The following SCML4 variants were observed in gnomAD, a reference collection of about 807,000 sequenced individuals.
The protein encoded by SCML4 is sex comb on midleg-like protein 4.
A neutral mutation model predicts 41.1 loss-of-function variants in SCML4; 34 were observed. The observed-to-expected ratio is 0.83, with a 90% CI of 0.63 to 1.10. SCML4 has a LOEUF of 1.10. SCML4 is among the 50% of genes least tolerant of loss of function. The pLI, the probability that SCML4 is intolerant of heterozygous loss-of-function variation, is 0.00. For synonymous variants in SCML4, 214 were observed against 220.9 expected (o/e 0.97, Z 0.28); for missense variants, 522 against 534.1 (o/e 0.98, Z 0.22).
chr6:107,834,460 C>T, the SCML4 span, among the ~76,000 whole-genome samples: 1 of 152,296 alleles, frequency 6.6e-6, no homozygotes, highest in South Asian at 2.1e-4. Flanking sequence ...CCAGATGAGA[C>T]CTCGGAAAAC....
chr6:107,839,762 T>C, the SCML4 span, among the ~76,000 whole-genome samples: 1 of 152,154 alleles, frequency 6.6e-6, no homozygotes, highest in African/African-American at 2.4e-5. Context: ...ACTTCAAAAA[T>C]ATTCTTCTTT....
At chr6:107,724,258 C>T (rs192323961) in intron 5 of SCML4, among the ~76,000 whole-genome samples, 56 of 152,252 alleles carry the variant, frequency 3.7e-4, no homozygotes, top group South Asian at 6.2e-4. Context: ...CAAAAAGAGA[C>T]GGTCCATTCC....
chr6:107,766,417 G>C (rs1043001738), intron 2 of SCML4, among the ~76,000 whole-genome samples: 1 of 149,806 alleles, frequency 6.7e-6, no homozygotes, highest in South Asian at 2.1e-4. Flanking sequence ...CTATGATCTC[G>C]CTCCTGAATA....
chr6:107,831,770 T>C, the SCML4 span, among the ~76,000 whole-genome samples: 6 of 152,094 alleles, frequency 3.9e-5, no homozygotes, highest in East Asian at 1.2e-3. Context: ...ATAGAAAAAT[T>C]AGTCCAGGCG....
chr6:107,723,242 A>G (rs1775612415), intron 5 of SCML4, among the ~76,000 whole-genome samples: 1 of 152,214 alleles, frequency 6.6e-6, no homozygotes, highest in South Asian at 2.1e-4. Context: ...TTGAAAATGC[A>G]TTTAGCATAC....
chr6:107,745,993 A>AAAATAAATAAATAAATAAAT (rs36131534), intron 4 of SCML4: 28 of 148,820 alleles, frequency 1.9e-4, no homozygotes, highest in African/African-American at 6.5e-4. Context: ...ATCCTGTCTC[A>AAAATAAATAAATAAATAAAT]AAATAAATAA....
At chr6:107,775,821 G>A (rs1780896980) in intron 1 of SCML4, among the ~76,000 whole-genome samples, 1 of 152,138 alleles carries the variant, frequency 6.6e-6, no homozygotes, top group Admixed American at 6.5e-5. Flanking sequence ...GTATGGTATA[G>A]GAGTAGCAAT....
At chr6:107,833,489 C>T in the SCML4 span, among the ~76,000 whole-genome samples, 1 of 152,108 alleles carries the variant, frequency 6.6e-6, no homozygotes, top group Non-Finnish European at 1.5e-5. Context: ...GCTCAGGAGA[C>T]ACCTGAAGAG....
At chr6:107,732,800 C>G (rs1163315400) in intron 5 of SCML4, among the ~76,000 whole-genome samples, 5 of 152,156 alleles carry the variant, frequency 3.3e-5, no homozygotes, top group African/African-American at 9.7e-5. Context: ...GTTTCCTCCA[C>G]AGCCCCCACA....
chr6:107,737,865 A>C (rs1277118003), intron 5 of SCML4, among the ~76,000 whole-genome samples: 1 of 151,926 alleles, frequency 6.6e-6, no homozygotes, highest in African/African-American at 2.4e-5. Context: ...CATGTAACAA[A>C]ATTACATTTG....
At chr6:107,828,128 T>C (rs763040429), upstream of SCML4, among the ~76,000 whole-genome samples, 15 of 152,228 alleles carry the variant, frequency 9.9e-5, no homozygotes, top group Non-Finnish European at 2.1e-4. Context: ...GACTTAGGGA[T>C]GTTAAATAAC....
intron 5 of SCML4, among the ~76,000 whole-genome samples, chr6:107,728,390 C>T (rs1284923670): frequency 6.6e-6 from 1 of 152,146 alleles, no homozygotes; most frequent in East Asian, 1.9e-4. Context: ...GTGGGCGGAT[C>T]ACCTGAGGTT....
At chr6:107,825,256 A>G (rs1785207359), upstream of SCML4, among the ~76,000 whole-genome samples, 2 of 152,236 alleles carry the variant, frequency 1.3e-5, no homozygotes, top group Non-Finnish European at 2.9e-5. Flanking sequence ...CATTCTACAA[A>G]CATGTGGCTT....
At chr6:107,837,342 G>C in the SCML4 span, among the ~76,000 whole-genome samples, 1 of 152,162 alleles carries the variant, frequency 6.6e-6, no homozygotes, top group African/African-American at 2.4e-5. Flanking sequence ...TGCATGTCTT[G>C]GTGTGTTTGG....
At chr6:107,775,546 T>C (rs1193238209) in intron 1 of SCML4, among the ~76,000 whole-genome samples, 1 of 152,228 alleles carries the variant, frequency 6.6e-6, no homozygotes, top group Non-Finnish European at 1.5e-5. Flanking sequence ...CAGTTCTTCA[T>C]ATAGATTTCA....
intron 1 of SCML4, among the ~76,000 whole-genome samples, chr6:107,779,475 C>T (rs1443078997): frequency 6.6e-6 from 1 of 152,062 alleles, no homozygotes; most frequent in East Asian, 1.9e-4. Flanking sequence ...AAGGGGTAAG[C>T]CAGCCCAACT....
At chr6:107,763,173 T>C (rs1436240316) in intron 2 of SCML4, among the ~76,000 whole-genome samples, 1 of 151,998 alleles carries the variant, frequency 6.6e-6, no homozygotes, top group African/African-American at 2.4e-5. Flanking sequence ...TGAGCCACAA[T>C]GCCCAGCCTA....
At chr6:107,717,172 A>AAACAAAAT (rs1321916871) in intron 6 of SCML4, among the ~76,000 whole-genome samples, 3 of 112,780 alleles carry the variant, frequency 2.7e-5, no homozygotes, top group African/African-American at 7.0e-5. Flanking sequence ...AAAAAAAAAA[A>AAACAAAAT]AGCCAGGTGT....
intron 1 of SCML4, among the ~76,000 whole-genome samples, chr6:107,811,297 C>A (rs1562282476): frequency 1.3e-5 from 2 of 152,208 alleles, no homozygotes; most frequent in Non-Finnish European, 2.9e-5. Context: ...AGCCAGATCA[C>A]CACTGTTTCC....
Sources: gnomAD v4.1 joint callset for allele counts (sites outside exome capture counted in the v4.1 genomes callset) on GRCh38, gnomAD v4.1.1 for gene constraint, MANE v1.5 for transcripts, NCBI Gene and HGNC (gene_info 2026-07-23, HGNC 2026-07-21) for gene names.